DNAH8: variants seen among roughly 807,000 people sequenced by gnomAD.
DNAH8 encodes the protein axonemal beta dynein heavy chain 8.
In DNAH8, 382 loss-of-function variants were observed where a neutral mutation model predicts 562.1. The observed-to-expected ratio is 0.68, with a 90% confidence interval of 0.63 to 0.74. DNAH8 has a LOEUF of 0.74. DNAH8 is among the 30% of genes least tolerant of loss of function. The probability of loss-of-function intolerance (pLI) is 0.00; values close to 1 mark genes in which losing one functional copy is unlikely to be tolerated. For missense variants in DNAH8, 5,203 were observed against 5,620.4 expected, an observed-to-expected ratio of 0.93 and a Z score of 2.37; for synonymous variants, 1,881 against 1,919.4, an observed-to-expected ratio of 0.98 and a Z score of 0.52.
intron 11 of DNAH8, among the ~76,000 whole-genome samples, chr6:38,766,125 A>G (rs949911265): frequency 1.8e-5 from 2 of 110,676 alleles, no homozygotes; most frequent in Non-Finnish European, 3.9e-5. Flanking sequence ...GTATGTATAT[A>G]TGTATGTGTT....
At chr6:38,745,932 T>A (rs1764889722) in intron 8 of DNAH8, among the ~76,000 whole-genome samples, 1 of 152,262 alleles carries the variant, frequency 6.6e-6, no homozygotes, top group Non-Finnish European at 1.5e-5. Context: ...GCCTTATTAC[T>A]GTTTTAAAAT....
intron 1 of DNAH8, among the ~76,000 whole-genome samples, chr6:38,717,586 T>C (rs922053326): frequency 1.3e-5 from 2 of 151,560 alleles, no homozygotes; most frequent in African/African-American, 2.4e-5. Context: ...TGTTACAGTA[T>C]ATGATATGCA....
chr6:38,726,784 C>T (rs374289496), intron 3 of DNAH8, among the ~76,000 whole-genome samples: 1 of 148,826 alleles, frequency 6.7e-6, no homozygotes, highest in African/African-American at 2.5e-5. Flanking sequence ...GAACAAGGAA[C>T]AAGGGGTGGC....
intron 76 of DNAH8, among the ~76,000 whole-genome samples, chr6:38,932,496 A>G (rs1270121091): frequency 6.6e-6 from 1 of 152,220 alleles, no homozygotes; most frequent in Non-Finnish European, 1.5e-5. Flanking sequence ...AGAACAACTT[A>G]GGACTGGAAG....
intron 12 of DNAH8, among the ~76,000 whole-genome samples, chr6:38,775,475 G>A (rs962273891): frequency 1.3e-5 from 2 of 152,174 alleles, no homozygotes; most frequent in African/African-American, 4.8e-5. Context: ...ATTTAGTCAA[G>A]CTCCCCGCCA....
In DNAH8 at chr6:38,932,024, G is replaced by T. The variant is rs778854096; in HGVS notation, c.11457+31G>T. 5 of 1,429,100 alleles carry T rather than the reference G, an allele frequency of 3.5e-6. No individual in the cohort carries two copies. In the South Asian group the frequency reaches 4.8e-5, roughly 14 times the overall value. 88.5% of individuals were successfully genotyped at this position (1,429,100 alleles called of 1,614,324 possible). On this transcript the variant is annotated intron_variant, in intron 76 of 92. Coordinates refer to ENST00000327475, the MANE Select transcript of DNAH8 (RefSeq NM_001206927.2). ...CTCTCTCTCAAGGTAAAGAATTTCT[G>T]CTTATAATACATGCTTAAAATGTAT...
At chr6:39,003,889 C>A (rs914527871) in intron 88 of DNAH8, among the ~76,000 whole-genome samples, 1 of 152,010 alleles carries the variant, frequency 6.6e-6, no homozygotes, top group African/African-American at 2.4e-5. Context: ...GACAAATATA[C>A]AATGTTGCTT....
intron 16 of DNAH8, among the ~76,000 whole-genome samples, 154 bp from the exon 17 acceptor site, chr6:38,782,850 G>T (rs545195343): frequency 6.6e-6 from 1 of 152,138 alleles, no homozygotes; most frequent in Admixed American, 6.5e-5. Context: ...GCTTCTTGCT[G>T]ATATGGCCTT....
At chr6:38,830,634 C>CAAAAA (rs56761180) in intron 30 of DNAH8, among the ~76,000 whole-genome samples, 10 of 90,454 alleles carry the variant, frequency 1.1e-4, no homozygotes, top group African/African-American at 3.3e-4. Context: ...GACTCTATCT[C>CAAAAA]AAAAAAAAAA....
chr6:39,026,655 G>A lies in DNAH8; in HGVS notation c.13824G>A (p.Thr4608=), dbSNP rs776969419. ...EVLRQTKEEI[T]SPPGEGVYIY... ...TGAGACAGACCAAGGAGGAGATCAC[G>A]TCACCCCCTGGGGTAGGCGTTGCTG... is the stretch of plus-strand genomic sequence containing the variant. Residue 4608 remains threonine (T), a synonymous_variant, in exon 92 of 93, where the codon ACG becomes ACA. Transcript: ENST00000327475. 28 of 1,613,274 alleles carry A rather than the reference G, an allele frequency of 1.7e-5. No individual in the cohort carries two copies. The highest frequency in any genetic ancestry group is 1.5e-4 in the South Asian group (14 of 91,034).
chr6:38,922,046 C>T (rs1435788633), intron 71 of DNAH8, among the ~76,000 whole-genome samples: 1 of 69,560 alleles, frequency 1.4e-5, no homozygotes, highest in African/African-American at 3.3e-5. Flanking sequence ...AAGGCAGGAA[C>T]AGGCCATTTT....
At chr6:38,841,116 TGGTAATTACAAG>T (rs1774744255) in intron 33 of DNAH8, among the ~76,000 whole-genome samples, 2 of 152,092 alleles carry the variant, frequency 1.3e-5, no homozygotes, top group Non-Finnish European at 2.9e-5. Context: ...TACGCCTACA[TGGTAATTACAAG>T]ATAGAATGGG....
Position 38,806,780 on chromosome 6 carries a change from C to CA in DNAH8, c.3151-820dup, listed in dbSNP as rs34764423. 5.0e-3 allele frequency among the ~76,000 whole-genome samples: 639 copies of CA among 128,578 alleles called. 8 individuals are homozygous for CA. Among genetic ancestry groups the CA allele is most frequent in the African/African-American group, 0.017 (598 of 35,844 alleles). 84.4% of individuals were successfully genotyped at this position (128,578 alleles called of 152,430 possible). A position where few individuals can be genotyped will look rare whatever the true frequency, so the allele number is the denominator to read the frequency against. On this transcript the variant is annotated intron_variant, in intron 23 of 92. Coordinates refer to ENST00000327475, the MANE Select transcript of DNAH8 (RefSeq NM_001206927.2). The stretch of plus-strand genomic sequence containing the variant: ...TGGGCGACAGAGCAAGACTCTGTCT[C>CA]AAAAAAAAAATAATAATAATAATAA...
chr6:38,893,585 TTAGTGGG>T (rs1392413923), intron 58 of DNAH8, among the ~76,000 whole-genome samples: 1 of 152,190 alleles, frequency 6.6e-6, no homozygotes, highest in Non-Finnish European at 1.5e-5. Context: ...GTTTTACATT[TTAGTGGG>T]TAGGATGAAC....
chr6:38,916,249 G>T (rs2150543897), intron 68 of DNAH8, among the ~76,000 whole-genome samples: 1 of 152,264 alleles, frequency 6.6e-6, no homozygotes, highest in South Asian at 2.1e-4. Flanking sequence ...CTGGAAGAAT[G>T]GTCAGGATCT....
intron 12 of DNAH8, among the ~76,000 whole-genome samples, chr6:38,774,458 G>C (rs754404390): frequency 6.6e-5 from 10 of 152,184 alleles, no homozygotes; most frequent in Non-Finnish European, 1.0e-4. Flanking sequence ...GGACAAACTA[G>C]CAGGAGCATG....
At chr6:38,997,132 C>T (rs1042997377) in intron 88 of DNAH8, among the ~76,000 whole-genome samples, 1 of 152,166 alleles carries the variant, frequency 6.6e-6, no homozygotes, top group African/African-American at 2.4e-5. Context: ...TTTCTGGTTC[C>T]TGCTCAGGTG....
At chr6:38,771,253 G>T (rs1370901181) in intron 12 of DNAH8, among the ~76,000 whole-genome samples, 1 of 152,208 alleles carries the variant, frequency 6.6e-6, no homozygotes, top group Non-Finnish European at 1.5e-5. Flanking sequence ...ATGTTTGGAA[G>T]CCTATTTTTA....
intron 87 of DNAH8, among the ~76,000 whole-genome samples, chr6:38,985,520 G>A (rs1040730360): frequency 2.6e-5 from 4 of 152,182 alleles, no homozygotes; most frequent in African/African-American, 9.7e-5. Context: ...AGCTACATAT[G>A]GAGAACTGTG....
Sources: gnomAD v4.1 joint callset for allele counts (sites outside exome capture counted in the v4.1 genomes callset) on GRCh38, gnomAD v4.1.1 for gene constraint, MANE v1.5 for transcripts, NCBI Gene and HGNC (gene_info 2026-07-23, HGNC 2026-07-21) for gene names.